The following PDGFC variants were observed in gnomAD, a reference collection of about 807,000 sequenced individuals.
The protein encoded by PDGFC is platelet derived growth factor C.
In PDGFC, 12 loss-of-function variants were observed where a neutral mutation model predicts 35.5. The ratio of observed to expected loss-of-function variants is 0.34; its 90% CI spans 0.22 to 0.55. PDGFC has a LOEUF of 0.55. Ranked by LOEUF, PDGFC falls within the 20% of genes least tolerant of loss-of-function variation. The pLI, the probability that PDGFC is intolerant of heterozygous loss-of-function variation, is 0.91. For synonymous variants in PDGFC, 159 were observed against 148.8 expected, an observed-to-expected ratio of 1.07 and a Z score of -0.50; for missense variants, 322 against 412.4, an observed-to-expected ratio of 0.78 and a Z score of 1.90.
intron 2 of PDGFC, among the ~76,000 whole-genome samples, chr4:156,834,963 G>C (rs1729028387): frequency 6.6e-6 from 1 of 151,570 alleles, no homozygotes; most frequent in South Asian, 2.1e-4. Context: ...AGATTTTTAA[G>C]CAGTAAAATT....
intron 3 of PDGFC, among the ~76,000 whole-genome samples, chr4:156,797,539 C>A (rs1438036589): frequency 2.6e-5 from 4 of 152,138 alleles, no homozygotes; most frequent in Admixed American, 6.5e-5. Flanking sequence ...GCTTCCCTGT[C>A]CCACACTGGA....
At chr4:156,961,388 C>A (rs1180996054) in intron 1 of PDGFC, among the ~76,000 whole-genome samples, 1 of 152,088 alleles carries the variant, frequency 6.6e-6, no homozygotes, top group African/African-American at 2.4e-5. Context: ...AGGGCAGGTG[C>A]AACGGCCAAC....
chr4:156,788,076 T>C (rs1270637435), intron 3 of PDGFC, among the ~76,000 whole-genome samples: 1 of 152,118 alleles, frequency 6.6e-6, no homozygotes, highest in Admixed American at 6.5e-5. Context: ...ACAACATTCA[T>C]GGTGTGGGGG....
chr4:156,944,310 T>C (rs1358386237), intron 1 of PDGFC, among the ~76,000 whole-genome samples: 3 of 152,100 alleles, frequency 2.0e-5, no homozygotes, highest in African/African-American at 2.4e-5. Flanking sequence ...GCTATATTTA[T>C]CACTAAATGG....
In PDGFC at chr4:156,807,555, G is replaced by T. The variant is rs1731801250; in HGVS notation, c.495+3282C>A. Among the ~76,000 whole-genome samples the T allele has an allele frequency of 3.3e-5, 5 of 151,962 alleles. No individual in the cohort carries two copies. The South Asian group carries it at 1.0e-3, about 32-fold the overall frequency. On this transcript the variant is annotated intron_variant, in intron 3 of 5. Coordinates refer to ENST00000502773, the MANE Select transcript of PDGFC (RefSeq NM_016205.3). The stretch of plus-strand genomic sequence containing the variant: ...GTTATTCATAAACTGAGGAAAAAAA[G>T]AGTGGGTAAATCATCTTACAAGGGA...
chr4:156,919,206 A>G (rs1038137694), intron 1 of PDGFC, among the ~76,000 whole-genome samples: 9 of 152,226 alleles, frequency 5.9e-5, no homozygotes, highest in Admixed American at 1.3e-4. Context: ...GGCCTTAAAA[A>G]TCATGTTTTC....
At chr4:156,920,356 T>C (rs957661420) in intron 1 of PDGFC, among the ~76,000 whole-genome samples, 11 of 152,138 alleles carry the variant, frequency 7.2e-5, no homozygotes, top group Admixed American at 2.0e-4. Flanking sequence ...ATTTAACAAC[T>C]CTGTGAGGTA....
chr4:156,930,080 T>A (rs1384318777), intron 1 of PDGFC, among the ~76,000 whole-genome samples: 2 of 152,230 alleles, frequency 1.3e-5, no homozygotes, highest in Non-Finnish European at 2.9e-5. Flanking sequence ...TCTAACTTCT[T>A]AAAAGCATAC....
chr4:156,941,765 A>C (rs577439268), intron 1 of PDGFC, among the ~76,000 whole-genome samples: 5 of 152,236 alleles, frequency 3.3e-5, no homozygotes, highest in African/African-American at 9.6e-5. Flanking sequence ...ATGATAAAAT[A>C]AGATACCATA....
At chr4:156,936,533 C>G (rs1731687716) in intron 1 of PDGFC, among the ~76,000 whole-genome samples, 1 of 152,172 alleles carries the variant, frequency 6.6e-6, no homozygotes, top group Non-Finnish European at 1.5e-5. Flanking sequence ...TTCTGTTCTT[C>G]TCCATGTATT....
intron 2 of PDGFC, among the ~76,000 whole-genome samples, chr4:156,825,730 C>A (rs953564229): frequency 6.6e-6 from 1 of 151,612 alleles, no homozygotes; most frequent in Non-Finnish European, 1.5e-5. Flanking sequence ...TACTCTCTGT[C>A]GGAAGGGACC....
At chr4:156,779,054 A>C in intron 3 of PDGFC, 1 of 440,914 alleles carries the variant, frequency 2.3e-6, no homozygotes, top group East Asian at 7.0e-5. Flanking sequence ...TCATTTATGT[A>C]ATGTCAAACT....
intron 3 of PDGFC, among the ~76,000 whole-genome samples, chr4:156,809,759 T>C (rs1322181812): frequency 6.6e-6 from 1 of 151,960 alleles, no homozygotes; most frequent in Non-Finnish European, 1.5e-5. Flanking sequence ...TTTTGTGTTT[T>C]ATTCTATAGG....
intron 4 of PDGFC, among the ~76,000 whole-genome samples, chr4:156,771,880 AGTTATTTCTATAC>A (rs1385040531): frequency 6.6e-6 from 1 of 152,166 alleles, no homozygotes; most frequent in Non-Finnish European, 1.5e-5. Flanking sequence ...GTAATTAAAC[AGTTATTTCTATAC>A]GTTTTCATTT....
intron 2 of PDGFC, among the ~76,000 whole-genome samples, chr4:156,829,220 T>C (rs1728866622): frequency 6.6e-6 from 1 of 152,210 alleles, no homozygotes; most frequent in Admixed American, 6.5e-5. Flanking sequence ...TATACAGGAT[T>C]ATATTTTTCA....
intron 1 of PDGFC, among the ~76,000 whole-genome samples, chr4:156,902,702 C>T (rs969872519): frequency 2.0e-5 from 3 of 152,088 alleles, no homozygotes; most frequent in African/African-American, 4.8e-5. Flanking sequence ...ATTGATGAAC[C>T]GGTGGTTAAC....
intron 2 of PDGFC, among the ~76,000 whole-genome samples, chr4:156,828,619 T>C (rs1728847380): frequency 6.6e-6 from 1 of 152,202 alleles, no homozygotes; most frequent in African/African-American, 2.4e-5. Context: ...TATGTAATTA[T>C]GTATATGTGT....
At position 156,970,820 on chromosome 4, in the gene PDGFC, A is replaced by C; in HGVS notation, c.84T>G (p.Ser28Arg). 6.2e-7 allele frequency: 1 copy of C among 1,612,978 alleles called. No individual in the cohort carries two copies. Among genetic ancestry groups the C allele is most frequent in the Non-Finnish European group, 8.5e-7 (1 of 1,178,948 alleles). Residue 28 changes from serine (S) to arginine (R), a missense_variant, in exon 1 of 6, where the codon AGT becomes AGG. Transcript: ENST00000502773. ...CCTTGTTGCTGGAAAACTGGAATTT[A>C]CTACTCAGGTTGGATTCCGCCTGAG... The part of the protein sequence containing the change: ...QGTQAESNLS[S>R]KFQFSSNKEQ...
Position 156,764,631 on chromosome 4 carries a change from TA to T in PDGFC, c.922-1426del, listed in dbSNP as rs1033389418. Among the ~76,000 whole-genome samples, 28 of 152,352 alleles carry T rather than the reference TA, an allele frequency of 1.8e-4. No homozygotes were observed. In the East Asian group the frequency reaches 5.4e-3, roughly 29 times the overall value. ...ATAACTATTAGAAATTCTAAACTTT[TA>T]AAGTAGTTTTCTCATCTATTTCACA... On this transcript the variant is annotated intron_variant, in intron 5 of 5. Coordinates refer to ENST00000502773, the MANE Select transcript of PDGFC (RefSeq NM_016205.3).
Sources: gnomAD v4.1 joint callset for allele counts (sites outside exome capture counted in the v4.1 genomes callset) on GRCh38, gnomAD v4.1.1 for gene constraint, MANE v1.5 for transcripts, NCBI Gene and HGNC (gene_info 2026-07-23, HGNC 2026-07-21) for gene names.